The following CACNA2D1 variants were observed in gnomAD, a reference collection of about 807,000 sequenced individuals.
CACNA2D1 encodes calcium voltage-gated channel auxiliary subunit alpha2delta 1.
In CACNA2D1, 53 loss-of-function variants were observed where a neutral mutation model predicts 171.5. That is an observed-to-expected ratio of 0.31 (90% CI 0.25 to 0.39). The LOEUF (loss-of-function observed/expected upper bound fraction) is 0.39, where lower values mean the gene tolerates loss of function less well. Among genes scored for constraint, CACNA2D1 ranks in the 10% least tolerant of loss-of-function variants. The pLI, the probability that CACNA2D1 is intolerant of heterozygous loss-of-function variation, is 1.00. For missense variants in CACNA2D1, 903 were observed against 1,299.8 expected, an observed-to-expected ratio of 0.69 and a Z score of 4.69; for synonymous variants, 442 against 443.1, an observed-to-expected ratio of 1.00 and a Z score of 0.03.
At chr7:82,433,163 G>A (rs1157691409) in intron 1 of CACNA2D1, among the ~76,000 whole-genome samples, 3 of 150,902 alleles carry the variant, frequency 2.0e-5, no homozygotes, top group Non-Finnish European at 4.4e-5. Context: ...ACTCCAGCCT[G>A]AGTGACACAG....
At chr7:82,380,686 G>C (rs536120743) in intron 1 of CACNA2D1, among the ~76,000 whole-genome samples, 31 of 151,886 alleles carry the variant, frequency 2.0e-4, no homozygotes, top group Non-Finnish European at 4.4e-4. Context: ...CTCATTTACT[G>C]TGTATGTGTA....
At chr7:82,025,920 C>G (rs555770510) in intron 12 of CACNA2D1, among the ~76,000 whole-genome samples, 1 of 151,606 alleles carries the variant, frequency 6.6e-6, no homozygotes, top group East Asian at 1.9e-4. Context: ...GCCTATTTGC[C>G]CCTTCAGTGC....
intron 16 of CACNA2D1, among the ~76,000 whole-genome samples, chr7:82,006,530 T>A (rs1341306425): frequency 6.6e-6 from 1 of 152,074 alleles, no homozygotes; most frequent in Non-Finnish European, 1.5e-5. Context: ...ATTATATAAA[T>A]TATAAAATAA....
intron 6 of CACNA2D1, among the ~76,000 whole-genome samples, chr7:82,112,534 A>G (rs1045018511): frequency 6.6e-6 from 1 of 152,170 alleles, no homozygotes; most frequent in East Asian, 1.9e-4. Context: ...CAAGAACACC[A>G]AACACCTTAA....
intron 3 of CACNA2D1, 138 bp downstream of exon 3, chr7:82,334,997 T>C (rs1006734467): frequency 4.7e-6 from 3 of 632,596 alleles, no homozygotes; most frequent in Non-Finnish European, 5.7e-6. Context: ...CCATGATATC[T>C]CATTTTTTAT....
chr7:82,233,962 A>G (rs1264234425), intron 3 of CACNA2D1, among the ~76,000 whole-genome samples: 1 of 152,120 alleles, frequency 6.6e-6, no homozygotes, highest in Non-Finnish European at 1.5e-5. Flanking sequence ...CATCTTTTTG[A>G]TATAAATAAT....
intron 6 of CACNA2D1, among the ~76,000 whole-genome samples, chr7:82,085,121 G>C (rs1182313451): frequency 6.6e-6 from 1 of 152,110 alleles, no homozygotes; most frequent in Non-Finnish European, 1.5e-5. Flanking sequence ...TTTTCAAGAG[G>C]TTTATACTCT....
intron 3 of CACNA2D1, among the ~76,000 whole-genome samples, chr7:82,317,308 T>G (rs1478381553): frequency 6.6e-6 from 1 of 152,190 alleles, no homozygotes; most frequent in Non-Finnish European, 1.5e-5. Context: ...TCCTCTGTAA[T>G]GGATGCCTAC....
At position 82,084,782 on chromosome 7, in the gene CACNA2D1, A is replaced by T. The variant is rs140492813; in HGVS notation, c.645T>A (p.Ala215=). The change falls in exon 7 of 39, where the codon GCT becomes GCA. Residue 215 remains alanine (A), a synonymous_variant. Transcript: ENST00000356860. Reference sequence around the variant, plus strand: ...CTAAGCACCTACCTGGATAATATCGAGCTAGGCCAGTGGCACTGCCAAAAA... The same window carrying T: ...CTAAGCACCTACCTGGATAATATCGTGCTAGGCCAGTGGCACTGCCAAAAA... ...WQVFGSATGL[A]RYYPASPWVD... 88 of 1,614,066 alleles carry T rather than the reference A, an allele frequency of 5.5e-5. No homozygotes were observed. In the African/African-American group the frequency reaches 1.1e-3, roughly 20 times the overall value.
chr7:82,123,405 C>T (rs1219598568), intron 5 of CACNA2D1, among the ~76,000 whole-genome samples: 1 of 152,180 alleles, frequency 6.6e-6, no homozygotes, highest in African/African-American at 2.4e-5. Context: ...TGCAAGAACA[C>T]TGTAACCTCA....
chr7:82,313,873 G>C (rs898570843), intron 3 of CACNA2D1, among the ~76,000 whole-genome samples: 1 of 151,912 alleles, frequency 6.6e-6, no homozygotes, highest in Non-Finnish European at 1.5e-5. Context: ...TTCCTACATT[G>C]AACATGTATA....
intron 22 of CACNA2D1, 162 bp downstream of exon 22, chr7:81,984,473 T>A: frequency 1.5e-6 from 1 of 649,770 alleles, no homozygotes; most frequent in Non-Finnish European, 2.9e-6. Flanking sequence ...TATTTCTTGT[T>A]CCTTGCATGT....
intron 10 of CACNA2D1, among the ~76,000 whole-genome samples, chr7:82,045,992 G>A (rs1804510284): frequency 6.6e-6 from 1 of 152,136 alleles, no homozygotes; most frequent in African/African-American, 2.4e-5. Context: ...ATCCCGTCAT[G>A]TGATATTCTT....
At chr7:82,046,066 G>A (rs1266333345) in intron 10 of CACNA2D1, among the ~76,000 whole-genome samples, 2 of 152,140 alleles carry the variant, frequency 1.3e-5, no homozygotes, top group East Asian at 1.9e-4. Flanking sequence ...GCTCTCATGA[G>A]TAAATTAGAA....
At position 82,036,000 on chromosome 7, in the gene CACNA2D1, G is replaced by A. The variant is rs561360136; in HGVS notation, c.1038+2077C>T. Among the ~76,000 whole-genome samples the A allele has an allele frequency of 9.2e-5, 14 of 152,146 alleles. 1 individual carries two copies. In the South Asian group the frequency reaches 2.9e-3, roughly 32 times the overall value. ...TTTTCTGTCTTCTTAATCTAACGGT[G>A]TCTATTAAATAACATGACCTCAAAT... On this transcript the variant is annotated intron_variant, in intron 11 of 38. Transcript: ENST00000356860.
At chr7:82,068,292 A>G (rs1047817909) in intron 7 of CACNA2D1, among the ~76,000 whole-genome samples, 2 of 151,924 alleles carry the variant, frequency 1.3e-5, no homozygotes, top group African/African-American at 4.8e-5. Context: ...GAGAGCTTAC[A>G]AGGAAAGACC....
At chr7:82,134,151 C>T (rs1221094317) in intron 5 of CACNA2D1, among the ~76,000 whole-genome samples, 1 of 151,970 alleles carries the variant, frequency 6.6e-6, no homozygotes, top group Non-Finnish European at 1.5e-5. Flanking sequence ...AAAAAACCAA[C>T]ATGCTTATAG....
chr7:82,359,919 T>C (rs1471763139), intron 1 of CACNA2D1, among the ~76,000 whole-genome samples: 1 of 152,242 alleles, frequency 6.6e-6, no homozygotes, highest in East Asian at 1.9e-4. Context: ...TTTGTGAACA[T>C]ACTCTTTAAT....
chr7:82,335,202 C>T lies in CACNA2D1; in HGVS notation c.227G>A (p.Arg76His), dbSNP rs200298945. Reference protein sequence around the residue: ...DLYTVEPNNARQLVEIAARDI... With the variant: ...DLYTVEPNNAHQLVEIAARDI... ...CCTGGCTGCAATTTCTACCAGCTGG[C>T]GTGCATTATTTGGTTCCACAGTATA... The change falls in exon 3 of 39, where the codon CGC (arginine) becomes CAC (histidine). Residue 76 changes from arginine (R) to histidine (H), a missense_variant. By Grantham distance (29) the Arg-to-His change is conservative. Around this residue, in one of 5 missense-constraint regions of CACNA2D1, gnomAD observed 189 missense variants for 266.8 expected, o/e 0.71. Coordinates refer to ENST00000356860, the MANE Select transcript of CACNA2D1 (RefSeq NM_000722.4). The T allele has an allele frequency of 8.7e-6, 14 of 1,612,840 alleles. No homozygotes were observed. The Admixed American group carries it at 1.3e-4, about 15-fold the overall frequency.
Sources: allele counts gnomAD v4.1 joint callset (sites outside exome capture counted in the v4.1 genomes callset), GRCh38; gene constraint gnomAD v4.1.1; regional missense constraint gnomAD v4.1.1; transcripts MANE v1.5; gene names NCBI Gene and HGNC (gene_info 2026-07-23, HGNC 2026-07-21).